Variants in SMPD3 observed in about 807,000 individuals in gnomAD.
SMPD3 encodes the protein nSMase-2.
A neutral mutation model predicts 55.7 loss-of-function variants in SMPD3; 21 were observed. That is an observed-to-expected ratio of 0.38 (90% CI 0.27 to 0.54). The LOEUF (loss-of-function observed/expected upper bound fraction) is 0.54. SMPD3 is among the 20% of genes least tolerant of loss of function. The probability of loss-of-function intolerance (pLI) is 0.80; values close to 1 mark genes in which losing one functional copy is unlikely to be tolerated. For synonymous variants in SMPD3, 457 were observed against 404.3 expected (o/e 1.13, Z -1.56); for missense variants, 842 against 899.6 (o/e 0.94, Z 0.82).
intron 1 of SMPD3, among the ~76,000 whole-genome samples, chr16:68,419,654 A>G (rs1044294943): frequency 2.6e-5 from 4 of 152,186 alleles, no homozygotes; most frequent in African/African-American, 4.8e-5. Context: ...CTCCCTTCCT[A>G]TGGAAGATAG....
At chr16:68,424,509 T>G (rs537838932) in intron 1 of SMPD3, among the ~76,000 whole-genome samples, 2 of 152,174 alleles carry the variant, frequency 1.3e-5, no homozygotes, top group Admixed American at 1.3e-4. Context: ...GGAAAAGTAA[T>G]TTTACTTATG....
chr16:68,363,873 G>A lies in SMPD3; in HGVS notation c.1556-7C>T, dbSNP rs138213621. 15,023 of 1,555,408 alleles carry A rather than the reference G, an allele frequency of 9.7e-3. 134 individuals are homozygous for A. Among genetic ancestry groups the A allele is most frequent in the South Asian group, 0.026 (2,156 of 84,476 alleles). On this transcript the variant is annotated splice_polypyrimidine_tract_variant and splice_region_variant and intron_variant, in intron 5 of 8. Coordinates refer to ENST00000219334, the MANE Select transcript of SMPD3 (RefSeq NM_018667.4). Reference sequence around the variant, plus strand: ...TGCTGCTCCAGCTTGTCGTCTGTGCGGGGAGGGAGGAAACGCTGAGGCACC... The same window carrying A: ...TGCTGCTCCAGCTTGTCGTCTGTGCAGGGAGGGAGGAAACGCTGAGGCACC...
intron 1 of SMPD3, among the ~76,000 whole-genome samples, chr16:68,443,846 G>A (rs1314039854): frequency 2.0e-5 from 3 of 152,116 alleles, no homozygotes; most frequent in Non-Finnish European, 2.9e-5. Flanking sequence ...AAAAAACAGT[G>A]GTAAGGAGGA....
chr16:68,430,457 C>G (rs952159562), intron 1 of SMPD3, among the ~76,000 whole-genome samples: 1 of 152,190 alleles, frequency 6.6e-6, no homozygotes, highest in Non-Finnish European at 1.5e-5. Flanking sequence ...GACTCCGAGG[C>G]TGAGCATGAC....
chr16:68,364,010 C>T lies in SMPD3; in HGVS notation c.1556-144G>A, dbSNP rs528458210. On this transcript the variant is annotated intron_variant, in intron 5 of 8. Coordinates refer to ENST00000219334, the MANE Select transcript of SMPD3 (RefSeq NM_018667.4). ...ACTGCCCCTGGGTGGGATCTCAGTC[C>T]CATTCAGGTGCCCCGTGCTTCATTT... 1.1e-4 allele frequency: 73 copies of T among 681,076 alleles called. 1 individual carries two copies. The South Asian group carries it at 1.3e-3, about 12-fold the overall frequency. 42.2% of individuals were successfully genotyped at this position (681,076 alleles called of 1,614,324 possible).
intron 6 of SMPD3, 31 bp from the exon 7 acceptor site, chr16:68,363,590 C>T: frequency 6.2e-7 from 1 of 1,605,702 alleles, no homozygotes; most frequent in Non-Finnish European, 8.5e-7. Flanking sequence ...ACAGTGGTCG[C>T]TGCAGGCAGG....
chr16:68,385,738 G>C (rs951189345), intron 2 of SMPD3, among the ~76,000 whole-genome samples: 1 of 152,182 alleles, frequency 6.6e-6, no homozygotes, highest in Non-Finnish European at 1.5e-5. Flanking sequence ...TTCTGCTTTT[G>C]TTCCTGAGAA....
intron 2 of SMPD3, among the ~76,000 whole-genome samples, chr16:68,380,417 TGA>T (rs2089922076): frequency 6.6e-6 from 1 of 152,260 alleles, no homozygotes; most frequent in African/African-American, 2.4e-5. Flanking sequence ...AGGCCACAGC[TGA>T]GCATCTAGCC....
In SMPD3 at chr16:68,358,759, G is replaced by A. The variant is rs922554030; in HGVS notation, c.*2447C>T. On this transcript the variant is annotated 3_prime_UTR_variant, in exon 9 of 9. Transcript: ENST00000219334. ...GGGCAGGAACAGAGTCTTGGTATGG[G>A]CCTCGGGTGACCCGTGTGCCCACCC... 1 of 152,464 alleles carries A rather than the reference G, an allele frequency of 6.6e-6. No homozygotes were observed. The highest frequency in any genetic ancestry group is 2.4e-5 in the African/African-American group (1 of 41,452). The allele number at this position is 152,464 out of a possible 1,614,324, so 9.4% of individuals were successfully genotyped here. A position where few individuals can be genotyped will look rare whatever the true frequency, so the allele number is the denominator to read the frequency against.
chr16:68,410,215 G>A (rs2090288270), intron 1 of SMPD3, among the ~76,000 whole-genome samples: 1 of 152,198 alleles, frequency 6.6e-6, no homozygotes, highest in Admixed American at 6.5e-5. Flanking sequence ...GCTGGGGCTG[G>A]TGTCACAAAC....
chr16:68,432,776 G>A (rs761147669), intron 1 of SMPD3, among the ~76,000 whole-genome samples: 33 of 152,150 alleles, frequency 2.2e-4, no homozygotes, highest in Non-Finnish European at 2.6e-4. Context: ...GGCAGCCTGC[G>A]TCTGGTTTTA....
rs1039031654 is a variant in SMPD3, at chr16:68,363,543, C to A, written c.1662G>T (p.Thr554=). The change falls in exon 7 of 9, where the codon ACG becomes ACT. Residue 554 remains threonine, a synonymous_variant. Coordinates refer to ENST00000219334, the MANE Select transcript of SMPD3 (RefSeq NM_018667.4). ...ACACATCCTCATCGTACAGGCCGTT[C>A]GTGTCCAGCAGAGTACCTGGGGGGG... is the stretch of plus-strand genomic sequence containing the variant. ...KPWAIGTLLD[T]NGLYDEDVCT... The A allele has an allele frequency of 6.2e-7, 1 of 1,613,840 alleles. No homozygotes were observed. Among genetic ancestry groups the A allele is most frequent in the East Asian group, 2.2e-5 (1 of 44,882 alleles).
At chr16:68,395,812 A>G (rs2090151335) in intron 1 of SMPD3, among the ~76,000 whole-genome samples, 2 of 152,266 alleles carry the variant, frequency 1.3e-5, no homozygotes, top group Non-Finnish European at 2.9e-5. Context: ...AATAGAAAAC[A>G]TTTCACTTAC....
chr16:68,391,752 A>G (rs2090112505), intron 1 of SMPD3, among the ~76,000 whole-genome samples: 1 of 152,188 alleles, frequency 6.6e-6, no homozygotes, highest in Admixed American at 6.5e-5. Context: ...GAATGGTGTT[A>G]TGAACCGAAT....
chr16:68,431,924 A>AAAAAC (rs746334697), intron 1 of SMPD3, among the ~76,000 whole-genome samples: 45 of 152,144 alleles, frequency 3.0e-4, no homozygotes, highest in Middle Eastern at 3.4e-3. Flanking sequence ...TCTGTCTGAA[A>AAAAAC]AAAACAAAAC....
chr16:68,419,439 C>G (rs1254365384), intron 1 of SMPD3, among the ~76,000 whole-genome samples: 1 of 152,212 alleles, frequency 6.6e-6, no homozygotes, highest in Non-Finnish European at 1.5e-5. Flanking sequence ...TGCCCTATCA[C>G]CCACAGGCAG....
intron 1 of SMPD3, among the ~76,000 whole-genome samples, chr16:68,395,411 CT>C (rs2090146822): frequency 6.6e-6 from 1 of 152,198 alleles, no homozygotes; most frequent in Non-Finnish European, 1.5e-5. Context: ...AAAAAAGATT[CT>C]ATTTTATTAG....
At chr16:68,374,676 C>T (rs971160156) in intron 2 of SMPD3, among the ~76,000 whole-genome samples, 3 of 152,208 alleles carry the variant, frequency 2.0e-5, no homozygotes, top group African/African-American at 4.8e-5. Context: ...ATGAATCAAA[C>T]CTGCAGAGGG....
intron 3 of SMPD3, among the ~76,000 whole-genome samples, chr16:68,365,972 C>G (rs1193170238): frequency 2.0e-5 from 3 of 152,208 alleles, no homozygotes; most frequent in South Asian, 4.1e-4. Flanking sequence ...ATGCCCTGCA[C>G]AGAGAGGCCG....
Sources: gnomAD v4.1 joint callset for allele counts (sites outside exome capture counted in the v4.1 genomes callset) on GRCh38, gnomAD v4.1.1 for gene constraint, MANE v1.5 for transcripts, NCBI Gene and HGNC (gene_info 2026-07-23, HGNC 2026-07-21) for gene names.